TFR2: variants seen among roughly 807,000 people sequenced by gnomAD.
TFR2 encodes transferrin receptor 2.
Under a neutral mutation model 91.9 loss-of-function variants are expected in TFR2, and 64 were observed. The observed-to-expected ratio is 0.70, with a 90% CI of 0.57 to 0.86. The LOEUF is 0.86. Among genes scored for constraint, TFR2 ranks in the 40% least tolerant of loss-of-function variants. TFR2 has a pLI of 0.00. For synonymous variants in TFR2, 454 were observed against 459.6 expected (o/e 0.99, Z 0.15); for missense variants, 950 against 1,080.5 (o/e 0.88, Z 1.69).
intron 5 of TFR2, 36 bp downstream of exon 5, chr7:100,633,193 C>A: frequency 6.2e-7 from 1 of 1,613,256 alleles, no homozygotes; most frequent in Middle Eastern, 1.6e-4. Flanking sequence ...GGGCTCGTGC[C>A]GCGCCCCATC....
At chr7:100,628,819 T>G (rs1163762763) in intron 10 of TFR2, among the ~76,000 whole-genome samples, 1 of 151,980 alleles carries the variant, frequency 6.6e-6, no homozygotes, top group East Asian at 1.9e-4. Context: ...CAGGCTGGAG[T>G]GCAGTGGTGC....
At chr7:100,631,076 G>C in intron 8 of TFR2, 24 bp from the exon 9 acceptor site, 3 of 1,533,994 alleles carry the variant, frequency 2.0e-6, no homozygotes, top group Non-Finnish European at 8.7e-7. Context: ...AGGCAGAAAG[G>C]GGGAAGTTGT....
chr7:100,627,631 G>A lies in TFR2; in HGVS notation c.1713C>T (p.Ala571=), dbSNP rs1803303583. ...CTCCCACAAAGGCCGTGAAGGAATAGGCACTGCTGTCCATGGGTAGGGGCC... is the reference window on the plus strand; with the variant it reads ...CTCCCACAAAGGCCGTGAAGGAATAAGCACTGCTGTCCATGGGTAGGGGCC... The part of the protein sequence containing the change: ...VIRPLPMDSS[A]YSFTAFVGVP... Residue 571 remains alanine, a synonymous_variant, in exon 15 of 18, where the codon GCC becomes GCT. Transcript: ENST00000223051. The A allele has an allele frequency of 1.9e-6, 3 of 1,614,162 alleles. No homozygotes were observed. Among genetic ancestry groups the A allele is most frequent in the African/African-American group, 2.7e-5 (2 of 75,036 alleles).
chr7:100,627,379 C>T lies in TFR2; in HGVS notation c.1880G>A (p.Gly627Glu), dbSNP rs376149707. 70 of 1,556,550 alleles carry T rather than the reference C, an allele frequency of 4.5e-5. No individual in the cohort carries two copies. The highest frequency in any genetic ancestry group is 5.7e-5 in the Non-Finnish European group (65 of 1,150,052). Residue 627 changes from glycine (G) to glutamate (E), a missense_variant, in exon 16 of 18, where the codon GGG (glycine) becomes GAG (glutamate). By Grantham distance (98) the Gly-to-Glu change is moderately conservative. Coordinates refer to ENST00000223051, the MANE Select transcript of TFR2 (RefSeq NM_003227.4). ...GTGGCTGAGCCGGATGAGGAGCTGCCCTGCGAGCTGGGCCACGGCCTGGGC... is the reference window on the plus strand; with the variant it reads ...GTGGCTGAGCCGGATGAGGAGCTGCTCTGCGAGCTGGGCCACGGCCTGGGC... ...AVAQAVAQLA[G>E]QLLIRLSHDR...
rs41303486 is a variant in TFR2, at chr7:100,631,233, T to A, written c.1107-181A>T. The stretch of plus-strand genomic sequence containing the variant: ...GGATGGTTCTCAGCTGAGGTAGGTG[T>A]GCAATCCAGTGGGAACTTTAGTTGC... On this transcript the variant is annotated intron_variant, in intron 8 of 17. Coordinates refer to ENST00000223051, the MANE Select transcript of TFR2 (RefSeq NM_003227.4). Among the ~76,000 whole-genome samples, 594 of 151,238 alleles carry A rather than the reference T, an allele frequency of 3.9e-3. 5 individuals carry two copies. Among genetic ancestry groups the A allele is most frequent in the African/African-American group, 0.013 (547 of 41,184 alleles).
chr7:100,624,211 A>G (rs1201916586), intron 17 of TFR2, among the ~76,000 whole-genome samples: 1 of 152,084 alleles, frequency 6.6e-6, no homozygotes, highest in Non-Finnish European at 1.5e-5. Context: ...GATCGATAAC[A>G]CCACATTTGG....
Position 100,641,217 on chromosome 7 carries a change from G to A in TFR2, c.45C>T (p.Ser15=). The change falls in exon 2 of 18, where the codon TCC becomes TCT. Residue 15 remains serine, a synonymous_variant. Transcript: ENST00000223051. ...GGTAGACGGTCTGAGAGGATCTTGGGGACAGTTGTTGCTGTGCAGGCGAGG... is the reference window on the plus strand; with the variant it reads ...GGTAGACGGTCTGAGAGGATCTTGGAGACAGTTGTTGCTGTGCAGGCGAGG... ...WGLFQRAQQL[S]PRSSQTVYQR... 1 of 1,537,330 alleles carries A rather than the reference G, an allele frequency of 6.5e-7. No individual in the cohort carries two copies. Among genetic ancestry groups the A allele is most frequent in the East Asian group, 2.4e-5 (1 of 41,116 alleles).
At chr7:100,638,051 T>C (rs1803610907) in intron 3 of TFR2, among the ~76,000 whole-genome samples, 1 of 151,990 alleles carries the variant, frequency 6.6e-6, no homozygotes, top group Non-Finnish European at 1.5e-5. Flanking sequence ...TCGCCCAGGC[T>C]GGAGTGCAGT....
chr7:100,635,376 G>A (rs576127050), intron 3 of TFR2, among the ~76,000 whole-genome samples: 2 of 151,296 alleles, frequency 1.3e-5, no homozygotes, highest in Non-Finnish European at 3.0e-5. Flanking sequence ...TGAATAGCCG[G>A]GACTCTAGGC....
Position 100,630,888 on chromosome 7 carries a change from C to G in TFR2, c.1270+1G>C, listed in dbSNP as rs1803411479. The G allele has an allele frequency of 1.9e-6, 3 of 1,612,592 alleles. No homozygotes were observed. Among genetic ancestry groups the G allele is most frequent in the Non-Finnish European group, 2.5e-6 (3 of 1,179,820 alleles). On this transcript the variant is annotated splice_donor_variant, in intron 9 of 17. Coordinates refer to ENST00000223051, the MANE Select transcript of TFR2 (RefSeq NM_003227.4). LOFTEE classifies it high-confidence loss of function. Reference sequence around the variant, plus strand: ...TGAGTGATACTGGACACACAGCATACCTGGCTCTGAGCGGCCTTCGATGCA... The same window carrying G: ...TGAGTGATACTGGACACACAGCATAGCTGGCTCTGAGCGGCCTTCGATGCA...
rs775428895 is a variant in TFR2, at chr7:100,633,281, G to A, written c.674C>T (p.Pro225Leu). 55 of 1,613,686 alleles carry A rather than the reference G, an allele frequency of 3.4e-5. No homozygotes were observed. Among genetic ancestry groups the A allele is most frequent in the Non-Finnish European group, 3.2e-5 (38 of 1,179,870 alleles). Residue 225 changes from proline to leucine, a missense_variant, in exon 5 of 18, where the codon CCG becomes CTG. Transcript: ENST00000223051. ...DEAGKVGEQL[P>L]LEDPDVYCPY... is the part of the protein sequence containing the mutation. Reference sequence around the variant, plus strand: ...GCAGTAGACGTCAGGGTCCTCCAGCGGCAGCTGCTCTCCGACCTTCCCGGC... The same window carrying A: ...GCAGTAGACGTCAGGGTCCTCCAGCAGCAGCTGCTCTCCGACCTTCCCGGC...
At chr7:100,634,713 C>T (rs1803541568) in intron 3 of TFR2, among the ~76,000 whole-genome samples, 1 of 152,180 alleles carries the variant, frequency 6.6e-6, no homozygotes, top group Admixed American at 6.5e-5. Context: ...GCCACATGGA[C>T]CATCTTTCCC....
intron 17 of TFR2, chr7:100,626,483 G>A (rs1803253655): frequency 1.5e-6 from 2 of 1,317,540 alleles, no homozygotes; most frequent in African/African-American, 1.5e-5. Context: ...GGGGAGGGGT[G>A]GGGGAGGGTG....
rs1397455640 is a variant in TFR2, at chr7:100,626,748, A to G, written c.2136+15T>C. On this transcript the variant is annotated intron_variant, in intron 17 of 17. Transcript: ENST00000223051. The stretch of plus-strand genomic sequence containing the variant: ...GCGGGACACTGGGGGCGGGGCGAGG[A>G]GGGCGGGGCCTCACCCGCATTATGC... 12 of 1,463,732 alleles carry G rather than the reference A, an allele frequency of 8.2e-6. No homozygotes were observed. The highest frequency in any genetic ancestry group is 2.9e-5 in the African/African-American group (2 of 68,808). 90.7% of individuals were successfully genotyped at this position (1,463,732 alleles called of 1,614,324 possible). A position where few individuals can be genotyped will look rare whatever the true frequency, so the allele number is the denominator to read the frequency against.
At chr7:100,639,167 A>G (rs1268138395) in intron 3 of TFR2, among the ~76,000 whole-genome samples, 1 of 152,174 alleles carries the variant, frequency 6.6e-6, no homozygotes, top group Non-Finnish European at 1.5e-5. Context: ...CGAGTTGGAG[A>G]CCAACCTGGG....
At chr7:100,628,763 C>A (rs547759203) in intron 10 of TFR2, among the ~76,000 whole-genome samples, 2 of 151,218 alleles carry the variant, frequency 1.3e-5, no homozygotes, top group Non-Finnish European at 1.5e-5. Context: ...CACTTTTTTT[C>A]TTTTCTTTTC....
chr7:100,627,971 T>TC lies in TFR2; in HGVS notation c.1540dup (p.Asp514GlyfsTer2). On this transcript the variant is annotated frameshift_variant, in exon 13 of 18. Transcript: ENST00000223051. LOFTEE classifies it high-confidence loss of function. ...GCTGGTCTTGGCATGAAACTTGTCA[T>TC]CCCCTGGAAAAAGGGGAGGGGAGGG... is the stretch of plus-strand genomic sequence containing the variant. 1 of 1,613,832 alleles carries TC rather than the reference T, an allele frequency of 6.2e-7. No homozygotes were observed. Among genetic ancestry groups the TC allele is most frequent in the Non-Finnish European group, 8.5e-7 (1 of 1,179,866 alleles).
In TFR2 at chr7:100,620,789, T is replaced by A; in HGVS notation, c.*68A>T. 6.2e-7 allele frequency: 1 copy of A among 1,603,584 alleles called. No individual in the cohort carries two copies. The highest frequency in any genetic ancestry group is 8.5e-7 in the Non-Finnish European group (1 of 1,172,100). On this transcript the variant is annotated 3_prime_UTR_variant, in exon 18 of 18. Coordinates refer to ENST00000223051, the MANE Select transcript of TFR2 (RefSeq NM_003227.4). The stretch of plus-strand genomic sequence containing the variant: ...GGACTCTGAGCCACCTCCCTGACCC[T>A]GAATCATTCAAGCGAGGAGCAGAGG...
chr7:100,625,581 G>A (rs1373689437), intron 17 of TFR2, among the ~76,000 whole-genome samples: 1 of 152,112 alleles, frequency 6.6e-6, no homozygotes, highest in African/African-American at 2.4e-5. Flanking sequence ...TGGAGAAAGA[G>A]ATATAAGAAG....
Sources: allele counts gnomAD v4.1 joint callset (sites outside exome capture counted in the v4.1 genomes callset), GRCh38; gene constraint gnomAD v4.1.1; transcripts MANE v1.5; gene names NCBI Gene and HGNC (gene_info 2026-07-23, HGNC 2026-07-21).